Variants in DOK6 observed in about 807,000 individuals in gnomAD.
DOK6 encodes the protein docking protein 6.
In DOK6, 22 loss-of-function variants were observed where a neutral mutation model predicts 44.0. The observed-to-expected ratio is 0.50, with a 90% CI of 0.36 to 0.71. The LOEUF is 0.71. DOK6 is among the 30% of genes least tolerant of loss of function. The probability of loss-of-function intolerance (pLI) is 0.00; values close to 1 mark genes in which losing one functional copy is unlikely to be tolerated. For synonymous variants in DOK6, 166 were observed against 145.5 expected (o/e 1.14, Z -1.01); for missense variants, 340 against 416.4 (o/e 0.82, Z 1.60).
intron 1 of DOK6, among the ~76,000 whole-genome samples, chr18:69,559,949 T>C (rs1326405220): frequency 6.6e-6 from 1 of 152,140 alleles, no homozygotes; most frequent in African/African-American, 2.4e-5. Flanking sequence ...TGACCCCATG[T>C]AACCCTACTT....
chr18:69,502,329 G>A (rs1489028375), intron 1 of DOK6, among the ~76,000 whole-genome samples: 2 of 151,808 alleles, frequency 1.3e-5, no homozygotes, highest in Admixed American at 6.6e-5. Context: ...AACAGGAGAG[G>A]GTAATTCAAG....
intron 5 of DOK6, among the ~76,000 whole-genome samples, chr18:69,699,687 A>G (rs1216888482): frequency 6.6e-6 from 1 of 152,202 alleles, no homozygotes; most frequent in African/African-American, 2.4e-5. Context: ...ATTGGGAAAT[A>G]CAAATTCTAA....
At chr18:69,617,617 G>T (rs1387607136) in intron 3 of DOK6, among the ~76,000 whole-genome samples, 1 of 149,544 alleles carries the variant, frequency 6.7e-6, no homozygotes, top group Non-Finnish European at 1.5e-5. Flanking sequence ...TAGGAGAAAA[G>T]AAAGAAAGAG....
chr18:69,822,461 A>G (rs1981602084), intron 7 of DOK6, among the ~76,000 whole-genome samples: 1 of 140,626 alleles, frequency 7.1e-6, no homozygotes, highest in Non-Finnish European at 1.6e-5. Flanking sequence ...GATGATGTAA[A>G]AAGTTCAGGT....
chr18:69,744,925 TAA>T (rs58133144), intron 6 of DOK6, among the ~76,000 whole-genome samples: 48 of 89,816 alleles, frequency 5.3e-4, no homozygotes, highest in African/African-American at 2.0e-3. Context: ...ACACTCCATC[TAA>T]AAAAAAAAAA....
chr18:69,571,888 C>T lies in DOK6; in HGVS notation c.174+7294C>T, dbSNP rs188158239. 8.7e-3 allele frequency among the ~76,000 whole-genome samples: 1,329 copies of T among 152,116 alleles called. 6 individuals carry two copies. The highest frequency in any genetic ancestry group is 0.015 in the Non-Finnish European group (1,007 of 67,908). On this transcript the variant is annotated intron_variant, in intron 2 of 7. Transcript: ENST00000382713. ...GACTTAACACAATCAACCACTTTGA[C>T]TTGATACTTTTATACCAATACACAA...
At chr18:69,479,882 G>A (rs574767120) in intron 1 of DOK6, among the ~76,000 whole-genome samples, 1 of 152,170 alleles carries the variant, frequency 6.6e-6, no homozygotes, top group African/African-American at 2.4e-5. Flanking sequence ...TTAGTCTCTT[G>A]TGAGTGTGTG....
intron 7 of DOK6, among the ~76,000 whole-genome samples, chr18:69,804,293 C>A (rs1479289366): frequency 6.6e-6 from 1 of 152,130 alleles, no homozygotes; most frequent in African/African-American, 2.4e-5. Context: ...ACAAAGTAGA[C>A]TTATGATGTC....
chr18:69,401,089 G>T lies in DOK6; in HGVS notation c.-156G>T. 2 of 588,648 alleles carry T rather than the reference G, an allele frequency of 3.4e-6. No individual in the cohort carries two copies. The highest frequency in any genetic ancestry group is 2.4e-6 in the Non-Finnish European group (1 of 420,778). 36.5% of individuals were successfully genotyped at this position (588,648 alleles called of 1,614,324 possible). On this transcript the variant is annotated 5_prime_UTR_variant, in exon 1 of 8. Coordinates refer to ENST00000382713, the MANE Select transcript of DOK6 (RefSeq NM_152721.6). Reference sequence around the variant, plus strand: ...CCGCGGCGGCCCTGCAGGCGACCCCGCGTCCCCACCGGCGGGAGCTCGGGG... The same window carrying T: ...CCGCGGCGGCCCTGCAGGCGACCCCTCGTCCCCACCGGCGGGAGCTCGGGG...
intron 3 of DOK6, among the ~76,000 whole-genome samples, chr18:69,669,268 A>G (rs1019142224): frequency 2.0e-5 from 3 of 152,244 alleles, no homozygotes; most frequent in East Asian, 3.9e-4. Context: ...TCCACCCTCA[A>G]GTAGGCCCTG....
At chr18:69,433,765 G>A (rs1437199597) in intron 1 of DOK6, among the ~76,000 whole-genome samples, 1 of 152,130 alleles carries the variant, frequency 6.6e-6, no homozygotes, top group Non-Finnish European at 1.5e-5. Flanking sequence ...TTTCCTCTGA[G>A]AAACTAGTTA....
chr18:69,791,636 G>C (rs1568127476), intron 7 of DOK6, among the ~76,000 whole-genome samples: 1 of 152,020 alleles, frequency 6.6e-6, no homozygotes, highest in African/African-American at 2.4e-5. Flanking sequence ...TTGAGCTCCT[G>C]ATATATTCTG....
chr18:69,589,878 T>C (rs1167134879), intron 2 of DOK6, among the ~76,000 whole-genome samples: 4 of 152,148 alleles, frequency 2.6e-5, no homozygotes, highest in Non-Finnish European at 4.4e-5. Flanking sequence ...CCATATCATA[T>C]ACCTCCACTT....
intron 1 of DOK6, among the ~76,000 whole-genome samples, chr18:69,427,931 C>A (rs1243612125): frequency 1.3e-5 from 2 of 152,008 alleles, no homozygotes; most frequent in Admixed American, 6.5e-5. Flanking sequence ...GTGCCCACCA[C>A]CACACCCAGC....
At position 69,533,137 on chromosome 18, in the gene DOK6, G is replaced by GA. The variant is rs1006010675; in HGVS notation, c.67-31341dup. On this transcript the variant is annotated intron_variant, in intron 1 of 7. Transcript: ENST00000382713. Reference sequence around the variant, plus strand: ...TAACCCAACATCCTTTGCACCTCCAGAAAAAAAAATGATTACTGAAACAAA... The same window carrying GA: ...TAACCCAACATCCTTTGCACCTCCAGAAAAAAAAAATGATTACTGAAACAAA... Among the ~76,000 whole-genome samples the GA allele has an allele frequency of 3.9e-4, 58 of 149,710 alleles. No homozygotes were observed. In the East Asian group the frequency reaches 7.0e-3, roughly 18 times the overall value.
chr18:69,591,601 ATAT>A (rs1366648338), intron 2 of DOK6, among the ~76,000 whole-genome samples: 17 of 62,564 alleles, frequency 2.7e-4, no homozygotes, highest in Non-Finnish European at 6.9e-4. Context: ...TCGATATTAA[ATAT>A]TTTTTTAAAA....
At chr18:69,444,959 T>C (rs955678765) in intron 1 of DOK6, among the ~76,000 whole-genome samples, 3 of 152,204 alleles carry the variant, frequency 2.0e-5, no homozygotes, top group African/African-American at 4.8e-5. Context: ...AGTCTTTAAG[T>C]CGATGAACAT....
At chr18:69,596,747 T>C (rs576690712) in intron 2 of DOK6, among the ~76,000 whole-genome samples, 5 of 152,102 alleles carry the variant, frequency 3.3e-5, no homozygotes, top group Non-Finnish European at 4.4e-5. Flanking sequence ...ACAGTATCAG[T>C]AAGGTAATTA....
chr18:69,591,602 TA>T (rs56158095), intron 2 of DOK6, among the ~76,000 whole-genome samples: 115,784 of 151,956 alleles, frequency 0.76, 47,157 homozygotes, highest in Non-Finnish European at 0.91. Context: ...CGATATTAAA[TA>T]TTTTTTTAAA....
Sources: gnomAD v4.1 joint callset for allele counts (sites outside exome capture counted in the v4.1 genomes callset) on GRCh38, gnomAD v4.1.1 for gene constraint, MANE v1.5 for transcripts, NCBI Gene and HGNC (gene_info 2026-07-23, HGNC 2026-07-21) for gene names.